PTPRG: variants seen among roughly 807,000 people sequenced by gnomAD.
PTPRG encodes receptor-type tyrosine-protein phosphatase gamma.
In PTPRG, 102 loss-of-function variants were observed where a neutral mutation model predicts 165.3. That is an observed-to-expected ratio of 0.62 (90% CI 0.53 to 0.73). The LOEUF (loss-of-function observed/expected upper bound fraction) is 0.73. Among genes scored for constraint, PTPRG ranks in the 30% least tolerant of loss-of-function variants. PTPRG has a pLI of 0.00. For synonymous variants in PTPRG, 675 were observed against 669.5 expected (o/e 1.01, Z -0.13); for missense variants, 1,866 against 1,861.4 (o/e 1.00, Z -0.05).
At chr3:61,923,461 G>T (rs1373604052) in intron 2 of PTPRG, among the ~76,000 whole-genome samples, 2 of 151,702 alleles carry the variant, frequency 1.3e-5, no homozygotes, top group Non-Finnish European at 2.9e-5. Context: ...CAACGAGCAG[G>T]TTTGTTACAT....
intron 7 of PTPRG, among the ~76,000 whole-genome samples, chr3:62,158,621 A>T (rs1422979828): frequency 6.6e-6 from 1 of 152,166 alleles, no homozygotes; most frequent in Non-Finnish European, 1.5e-5. Context: ...GCATCCTGAA[A>T]CATCCAGTGT....
intron 5 of PTPRG, among the ~76,000 whole-genome samples, chr3:62,115,218 G>A (rs1702817342): frequency 1.3e-5 from 2 of 152,230 alleles, no homozygotes; most frequent in Non-Finnish European, 2.9e-5. Flanking sequence ...CAGGTTTCAT[G>A]GAAGGTGGTG....
chr3:61,885,139 G>A (rs981960470), intron 2 of PTPRG, among the ~76,000 whole-genome samples: 1 of 151,812 alleles, frequency 6.6e-6, no homozygotes, highest in South Asian at 2.1e-4. Context: ...GAGGTGTAGA[G>A]GTGAGGTTTT....
At chr3:61,835,867 C>G (rs958579548) in intron 2 of PTPRG, among the ~76,000 whole-genome samples, 6 of 151,538 alleles carry the variant, frequency 4.0e-5, no homozygotes, top group African/African-American at 1.2e-4. Context: ...ATGGTGAAAC[C>G]CCATCTCTGT....
At chr3:61,772,458 T>C (rs59646664) in intron 2 of PTPRG, among the ~76,000 whole-genome samples, 3,777 of 152,206 alleles carry the variant, frequency 0.025, 159 homozygotes, top group African/African-American at 0.086. Context: ...AATATTAATA[T>C]TGATTTTCTT....
intron 8 of PTPRG, among the ~76,000 whole-genome samples, chr3:62,187,036 G>T (rs1294850637): frequency 2.0e-5 from 3 of 152,234 alleles, no homozygotes; most frequent in Non-Finnish European, 4.4e-5. Flanking sequence ...CCAACTTTCT[G>T]TTCATTCAGC....
intron 2 of PTPRG, among the ~76,000 whole-genome samples, chr3:61,979,625 C>G (rs1179841696): frequency 1.3e-5 from 2 of 152,186 alleles, no homozygotes; most frequent in Non-Finnish European, 2.9e-5. Context: ...GTTACTTACA[C>G]TATGAATTTA....
At chr3:61,892,740 CG>C (rs2038249102) in intron 2 of PTPRG, among the ~76,000 whole-genome samples, 1 of 150,924 alleles carries the variant, frequency 6.6e-6, no homozygotes, top group Non-Finnish European at 1.5e-5. Context: ...CGCCTGAACC[CG>C]GGAGGGGGAG....
chr3:61,778,616 C>T (rs893825496), intron 2 of PTPRG, among the ~76,000 whole-genome samples: 3 of 152,034 alleles, frequency 2.0e-5, no homozygotes, highest in Admixed American at 6.6e-5. Flanking sequence ...CCTGCCTCAA[C>T]TTGGTCCCTG....
At position 62,240,289 on chromosome 3, in the gene PTPRG, C is replaced by T. The variant is rs1485275804; in HGVS notation, c.2376-3518C>T. The stretch of plus-strand genomic sequence containing the variant: ...GGCGGAGGTTGCAGTGAGCTGAGAT[C>T]GTGCCACTGCACTCCAGCCTGGATG... On this transcript the variant is annotated intron_variant, in intron 14 of 29. Transcript: ENST00000474889. The surrounding 1 kb of genome is among the most constrained non-coding windows in gnomAD (Gnocchi z 5.1). Among the ~76,000 whole-genome samples the T allele has an allele frequency of 6.6e-6, 1 of 151,992 alleles. No individual in the cohort carries two copies. The highest frequency in any genetic ancestry group is 2.1e-4 in the South Asian group (1 of 4,814).
chr3:61,586,747 C>A, intron 1 of PTPRG, among the ~76,000 whole-genome samples: 1 of 152,204 alleles, frequency 6.6e-6, no homozygotes, highest in East Asian at 1.9e-4. Context: ...TGTTTCGGGG[C>A]TGCCTCCCAG....
intron 1 of PTPRG, among the ~76,000 whole-genome samples, chr3:61,587,816 C>T (rs1700471034): frequency 1.3e-5 from 2 of 152,030 alleles, no homozygotes; most frequent in South Asian, 4.2e-4. Context: ...ACCACCATGT[C>T]CAGCTAGTTT....
chr3:61,833,124 T>A (rs1436867196), intron 2 of PTPRG, among the ~76,000 whole-genome samples: 2 of 151,070 alleles, frequency 1.3e-5, no homozygotes, highest in African/African-American at 4.9e-5. Context: ...ACGTGTTGAT[T>A]TATGAGCATT....
At chr3:62,032,618 A>G (rs1241614856) in intron 4 of PTPRG, among the ~76,000 whole-genome samples, 2 of 152,106 alleles carry the variant, frequency 1.3e-5, no homozygotes, top group Non-Finnish European at 2.9e-5. Context: ...TGACAGCAGG[A>G]TTTACTCCTG....
At chr3:62,200,132 G>A (rs1700063243) in intron 10 of PTPRG, among the ~76,000 whole-genome samples, 1 of 152,184 alleles carries the variant, frequency 6.6e-6, no homozygotes, top group African/African-American at 2.4e-5. Context: ...TAGAGTTTCT[G>A]TTTTGCAAGA....
At chr3:62,116,666 C>T (rs995068211) in intron 5 of PTPRG, among the ~76,000 whole-genome samples, 1 of 152,164 alleles carries the variant, frequency 6.6e-6, no homozygotes, top group Admixed American at 6.5e-5. Flanking sequence ...TTGTCTTCAT[C>T]TGGCTGAGGT....
At position 62,273,297 on chromosome 3, in the gene PTPRG, G is replaced by C. The variant is rs1012418405; in HGVS notation, c.3318+216G>C. Among the ~76,000 whole-genome samples, 1 of 152,160 alleles carries C rather than the reference G, an allele frequency of 6.6e-6. No individual in the cohort carries two copies. Among genetic ancestry groups the C allele is most frequent in the Non-Finnish European group, 1.5e-5 (1 of 68,030 alleles). On this transcript the variant is annotated intron_variant, in intron 22 of 29. Transcript: ENST00000474889. This position sits in a 1 kb window ranked among gnomAD's most constrained non-coding sequence, Gnocchi z 4.1. ...TTTGGATTCCTAAATAACTACACAA[G>C]TACTTACGAAAGAGATACAGTTGTT...
At chr3:61,579,398 G>T (rs1575514742) in intron 1 of PTPRG, among the ~76,000 whole-genome samples, 1 of 152,190 alleles carries the variant, frequency 6.6e-6, no homozygotes, top group Admixed American at 6.5e-5. Flanking sequence ...CTGAAATTCT[G>T]CTGCTATTCC....
At chr3:61,739,246 A>G (rs186114502) in intron 1 of PTPRG, 3 of 152,204 alleles carry the variant, frequency 2.0e-5, no homozygotes, top group Admixed American at 2.0e-4. Context: ...ATTTATAGAC[A>G]ATAACCAAAG....
Sources: gnomAD v4.1 joint callset for allele counts (sites outside exome capture counted in the v4.1 genomes callset) on GRCh38, gnomAD v4.1.1 for gene constraint, Gnocchi (gnomAD v3.1) non-coding constraint, MANE v1.5 for transcripts, NCBI Gene and HGNC (gene_info 2026-07-23, HGNC 2026-07-21) for gene names.